The following PPP1R9A variants were observed in gnomAD, a reference collection of about 807,000 sequenced individuals.
PPP1R9A encodes the protein neurabin-1.
A neutral mutation model predicts 141.9 loss-of-function variants in PPP1R9A; 59 were observed. That is an observed-to-expected ratio of 0.42 (90% CI 0.34 to 0.52). The LOEUF is 0.52. Ranked by LOEUF, PPP1R9A falls within the 20% of genes least tolerant of loss-of-function variation. The pLI, the probability that PPP1R9A is intolerant of heterozygous loss-of-function variation, is 0.10. For missense variants in PPP1R9A, 1,444 were observed against 1,611.9 expected, an observed-to-expected ratio of 0.90 and a Z score of 1.78; for synonymous variants, 500 against 569.7, an observed-to-expected ratio of 0.88 and a Z score of 1.74.
chr7:95,068,553 G>A (rs927675318), intron 2 of PPP1R9A, among the ~76,000 whole-genome samples: 17 of 151,702 alleles, frequency 1.1e-4, no homozygotes, highest in Non-Finnish European at 2.4e-4. Flanking sequence ...AATAGCCTGG[G>A]TTAGTTTTAT....
chr7:95,245,186 A>C (rs1048455710), intron 8 of PPP1R9A, among the ~76,000 whole-genome samples: 3 of 152,182 alleles, frequency 2.0e-5, no homozygotes, highest in Admixed American at 2.0e-4. Context: ...TATATAAATA[A>C]TGTGTCTAAT....
chr7:94,986,905 A>C (rs1035814599), intron 2 of PPP1R9A, among the ~76,000 whole-genome samples: 1 of 152,226 alleles, frequency 6.6e-6, no homozygotes, highest in Non-Finnish European at 1.5e-5. Flanking sequence ...TTAATGTTGT[A>C]AAAGTATCCA....
intron 2 of PPP1R9A, among the ~76,000 whole-genome samples, chr7:95,071,985 T>A (rs554451045): frequency 6.6e-6 from 1 of 151,774 alleles, no homozygotes; most frequent in East Asian, 1.9e-4. Context: ...TTATTAAATA[T>A]TGTTCTGTGG....
rs1585584121 is a variant in PPP1R9A at position 95,274,167 on chromosome 7, A to G, written c.3295A>G (p.Arg1099Gly). 17 of 1,558,612 alleles carry G rather than the reference A, an allele frequency of 1.1e-5. No individual in the cohort carries two copies. The highest frequency in any genetic ancestry group is 1.4e-5 in the Non-Finnish European group (16 of 1,152,266). The change falls in exon 16 of 20, where the codon AGG (arginine) becomes GGG (glycine). Residue 1099 changes from arginine to glycine, a missense_variant and splice_region_variant. By Grantham distance (125) the Arg-to-Gly change is moderately radical. Coordinates refer to ENST00000433360, the MANE Select transcript of PPP1R9A (RefSeq NM_001166160.2). ...AGCCAGTAGGTTTTCTGCAGGTAGCAGGTACGGTTGTGTGATTAAGAACAC... is the reference window on the plus strand; with the variant it reads ...AGCCAGTAGGTTTTCTGCAGGTAGCGGGTACGGTTGTGTGATTAAGAACAC... ...KEASRFSAGS[R>G]IFRGRLENWT...
In PPP1R9A at chr7:95,284,154, G is replaced by A; in HGVS notation, c.3433G>A (p.Ala1145Thr). ...ATCCTATTCCTTCAGGAACCTGCCT[G>A]CGCCTACAAGTTCCCTTCAGCCTTC... ...KGSYSFRNLP[A>T]PTSSLQPSPE... Residue 1145 changes from alanine (A) to threonine (T), a missense_variant, in exon 17 of 20, where the codon GCG becomes ACG. This residue lies in a region of PPP1R9A where 459 missense variants were observed against 513.8 expected (regional missense o/e 0.89). Transcript: ENST00000433360. The A allele has an allele frequency of 6.3e-7, 1 of 1,589,662 alleles. No individual in the cohort carries two copies. The highest frequency in any genetic ancestry group is 8.5e-7 in the Non-Finnish European group (1 of 1,170,938).
At position 95,288,724 on chromosome 7, in the gene PPP1R9A, G is replaced by T. The variant is rs1476950651; in HGVS notation, c.3912+6G>T. The T allele has an allele frequency of 3.7e-6, 6 of 1,612,678 alleles. No homozygotes were observed. In the African/African-American group the frequency reaches 4.0e-5, roughly 11 times the overall value. On this transcript the variant is annotated splice_donor_region_variant and intron_variant, in intron 19 of 19. Transcript: ENST00000433360. The stretch of plus-strand genomic sequence containing the variant: ...TGGATGGAAATAAACTTAAGGTAAA[G>T]AATTATATGTCTGTCTTAGGTTACC...
intron 4 of PPP1R9A, among the ~76,000 whole-genome samples, chr7:95,121,459 G>GTCTGTCTA (rs1268112373): frequency 0.012 from 619 of 50,334 alleles, 5 homozygotes; most frequent in African/African-American, 0.027. Context: ...CTGTCTGTCT[G>GTCTGTCTA]TCTATCTATC....
chr7:94,947,402 G>A (rs911844006), intron 2 of PPP1R9A, among the ~76,000 whole-genome samples: 3 of 152,120 alleles, frequency 2.0e-5, no homozygotes, highest in African/African-American at 7.2e-5. Context: ...AGTTGGCTGG[G>A]CCTATATCCT....
intron 4 of PPP1R9A, among the ~76,000 whole-genome samples, chr7:95,142,941 G>T (rs1826965672): frequency 6.6e-6 from 1 of 151,872 alleles, no homozygotes; most frequent in African/African-American, 2.4e-5. Context: ...TTTATCCAAT[G>T]ACTTAATATT....
At chr7:95,074,596 T>G (rs965235809) in intron 2 of PPP1R9A, among the ~76,000 whole-genome samples, 20 of 151,720 alleles carry the variant, frequency 1.3e-4, no homozygotes, top group African/African-American at 4.8e-4. Context: ...TGCCTCAGCC[T>G]CCCGAATAGG....
chr7:95,067,639 G>A (rs1241701382), intron 2 of PPP1R9A, among the ~76,000 whole-genome samples: 1 of 152,090 alleles, frequency 6.6e-6, no homozygotes, highest in Non-Finnish European at 1.5e-5. Context: ...GTCTGTGGGG[G>A]ATAGGTTCCA....
intron 17 of PPP1R9A, among the ~76,000 whole-genome samples, chr7:95,285,344 C>T (rs1805085780): frequency 6.6e-6 from 1 of 152,210 alleles, no homozygotes. Context: ...GATAGCAGCA[C>T]ATCACTTTGG....
intron 12 of PPP1R9A, among the ~76,000 whole-genome samples, chr7:95,260,336 C>T (rs912935386): frequency 5.9e-5 from 9 of 152,104 alleles, no homozygotes; most frequent in Non-Finnish European, 1.3e-4. Context: ...TTCATAAGTT[C>T]GTAGAATCCA....
intron 2 of PPP1R9A, among the ~76,000 whole-genome samples, chr7:95,081,394 G>A (rs1815808280): frequency 6.6e-6 from 1 of 152,118 alleles, no homozygotes; most frequent in South Asian, 2.1e-4. Context: ...GTTTTGAGGT[G>A]CTAGAGAAAA....
intron 4 of PPP1R9A, among the ~76,000 whole-genome samples, chr7:95,157,603 C>T (rs1370523812): frequency 6.6e-6 from 1 of 152,190 alleles, no homozygotes; most frequent in South Asian, 2.1e-4. Flanking sequence ...GTGATGGCAG[C>T]GGCAGGCCGT....
chr7:95,166,194 T>A (rs899416929), intron 5 of PPP1R9A, among the ~76,000 whole-genome samples: 4 of 151,622 alleles, frequency 2.6e-5, no homozygotes, highest in Non-Finnish European at 5.9e-5. Flanking sequence ...AAGAGTATCT[T>A]CATTATGTAA....
chr7:94,994,052 T>G (rs567630991), intron 2 of PPP1R9A, among the ~76,000 whole-genome samples: 24 of 152,256 alleles, frequency 1.6e-4, no homozygotes, highest in African/African-American at 5.5e-4. Context: ...ACAAATTTAT[T>G]TAACCGAAGT....
chr7:94,918,109 T>C (rs1336289193), intron 2 of PPP1R9A, among the ~76,000 whole-genome samples: 1 of 152,216 alleles, frequency 6.6e-6, no homozygotes, highest in East Asian at 1.9e-4. Context: ...CTATTTTCTT[T>C]TTGTTCTTTT....
intron 8 of PPP1R9A, among the ~76,000 whole-genome samples, chr7:95,234,644 C>T (rs1341544254): frequency 6.6e-6 from 1 of 152,038 alleles, no homozygotes; most frequent in Non-Finnish European, 1.5e-5. Context: ...CATAAAAATA[C>T]CACCATCATT....
Sources: allele counts gnomAD v4.1 joint callset (sites outside exome capture counted in the v4.1 genomes callset), GRCh38; gene constraint gnomAD v4.1.1; regional missense constraint gnomAD v4.1.1; transcripts MANE v1.5; gene names NCBI Gene and HGNC (gene_info 2026-07-23, HGNC 2026-07-21).